The following RESF1 variants were observed in gnomAD, a reference collection of about 807,000 sequenced individuals.
RESF1 encodes gonad expressed transcript.
A neutral mutation model predicts 134.7 loss-of-function variants in RESF1; 65 were observed. The ratio of observed to expected loss-of-function variants is 0.48; its 90% CI spans 0.40 to 0.59. The LOEUF (loss-of-function observed/expected upper bound fraction) is 0.59. Among genes scored for constraint, RESF1 ranks in the 20% least tolerant of loss-of-function variants. The probability of loss-of-function intolerance (pLI) is 0.00; values close to 1 mark genes in which losing one functional copy is unlikely to be tolerated. For synonymous variants in RESF1, 762 were observed against 702.2 expected (o/e 1.09, Z -1.35); for missense variants, 2,274 against 2,002.7 (o/e 1.14, Z -2.59).
At position 31,982,457 on chromosome 12, in the gene RESF1, A is replaced by G. The variant is rs1040288776; in HGVS notation, c.1502A>G (p.Asp501Gly). The change falls in exon 4 of 6, where the codon GAT becomes GGT. Residue 501 changes from aspartate (D) to glycine (G), a missense_variant. Asp to Gly is a moderately conservative substitution (Grantham distance 94, BLOSUM62 -1). Coordinates refer to ENST00000312561, the MANE Select transcript of RESF1 (RefSeq NM_018169.4). ...AATTGCAGAAGGTTTAACCAAGTTG[A>G]TTCTGTTTTACCAAATCCTGTCTAT... ...EVNCRRFNQV[D>G]SVLPNPVYSE... 3 of 1,613,722 alleles carry G rather than the reference A, an allele frequency of 1.9e-6. No individual in the cohort carries two copies. Among genetic ancestry groups the G allele is most frequent in the Non-Finnish European group, 2.5e-6 (3 of 1,180,038 alleles).
In RESF1 at chr12:31,983,544, G is replaced by C; in HGVS notation, c.2589G>C (p.Glu863Asp). ...NVNQGKHNKL[E>D]SAIHSPMNDQ... ...ATCAAGGAAAGCATAACAAATTAGAGTCAGCTATCCATTCTCCTATGAACG... is the reference window on the plus strand; with the variant it reads ...ATCAAGGAAAGCATAACAAATTAGACTCAGCTATCCATTCTCCTATGAACG... The change falls in exon 4 of 6, where the codon GAG becomes GAC. Residue 863 changes from glutamate (E) to aspartate (D), a missense_variant. Physicochemically the swap from Glu to Asp is conservative, Grantham distance 45. Transcript: ENST00000312561. The C allele has an allele frequency of 3.7e-6, 6 of 1,614,102 alleles. No individual in the cohort carries two copies. Among genetic ancestry groups the C allele is most frequent in the Non-Finnish European group, 5.1e-6 (6 of 1,179,986 alleles).
chr12:31,962,960 G>T (rs181408556), intron 2 of RESF1, among the ~76,000 whole-genome samples: 1 of 152,190 alleles, frequency 6.6e-6, no homozygotes, highest in Non-Finnish European at 1.5e-5. Flanking sequence ...TTAGCCAGGC[G>T]TGGTGGCACA....
At position 31,983,298 on chromosome 12, in the gene RESF1, T is replaced by G. The variant is rs201519644; in HGVS notation, c.2343T>G (p.Pro781=). ...VKTLSVKGIT[P]AVLPETVYPV... ...CATTGTCTGTCAAAGGAATAACACC[T>G]GCAGTGTTACCTGAAACAGTGTATC... is the stretch of plus-strand genomic sequence containing the variant. Residue 781 remains proline (P), a synonymous_variant, in exon 4 of 6, where the codon CCT becomes CCG. Transcript: ENST00000312561. 12 of 1,613,816 alleles carry G rather than the reference T, an allele frequency of 7.4e-6. No homozygotes were observed. In the East Asian group the frequency reaches 2.2e-4, roughly 30 times the overall value.
rs1939200242 is a variant in RESF1, at chr12:31,959,498, G to A, written c.-342+7G>A. On this transcript the variant is annotated splice_region_variant and intron_variant, in intron 1 of 5. Transcript: ENST00000312561. ...GGTCCTCTTCCCTTTGTCGGTAAGT[G>A]TGAGACGAGCACCCCGAGGTCCCTC... The A allele has an allele frequency of 6.6e-6, 1 of 152,308 alleles. No homozygotes were observed. The highest frequency in any genetic ancestry group is 1.5e-5 in the Non-Finnish European group (1 of 68,106). 9.4% of individuals were successfully genotyped at this position (152,308 alleles called of 1,614,324 possible). A position where few individuals can be genotyped will look rare whatever the true frequency, so the allele number is the denominator to read the frequency against.
intron 2 of RESF1, among the ~76,000 whole-genome samples, chr12:31,962,879 C>T (rs992093957): frequency 4.0e-5 from 6 of 149,608 alleles, no homozygotes; most frequent in Non-Finnish European, 7.4e-5. Context: ...GGGCAGATCA[C>T]CTGAGGTCAG....
rs753369430 is a variant in RESF1 at position 31,984,248 on chromosome 12, A to G, written c.3293A>G (p.Lys1098Arg). The part of the protein sequence containing the change: ...QTADKTSSDS[K>R]DPADQIQITI... Reference sequence around the variant, plus strand: ...GCTGATAAAACCAGTTCTGACTCCAAAGACCCAGCAGATCAAATACAAATT... The same window carrying G: ...GCTGATAAAACCAGTTCTGACTCCAGAGACCCAGCAGATCAAATACAAATT... The change falls in exon 4 of 6, where the codon AAA (lysine) becomes AGA (arginine). Residue 1098 changes from lysine (K) to arginine (R), a missense_variant. Physicochemically the swap from Lys to Arg is conservative, Grantham distance 26. Coordinates refer to ENST00000312561, the MANE Select transcript of RESF1 (RefSeq NM_018169.4). 71 of 1,613,924 alleles carry G rather than the reference A, an allele frequency of 4.4e-5. No homozygotes were observed. Among genetic ancestry groups the G allele is most frequent in the Non-Finnish European group, 5.8e-5 (68 of 1,180,002 alleles).
At chr12:31,986,794 T>A (rs1421656744) in intron 4 of RESF1, among the ~76,000 whole-genome samples, 1 of 152,180 alleles carries the variant, frequency 6.6e-6, no homozygotes, top group Non-Finnish European at 1.5e-5. Context: ...TTTGTTGGGG[T>A]TCATAAAACA....
chr12:31,964,077 T>C (rs751835828), intron 2 of RESF1, among the ~76,000 whole-genome samples: 35 of 152,228 alleles, frequency 2.3e-4, no homozygotes, highest in Non-Finnish European at 4.7e-4. Flanking sequence ...GATAACTGTT[T>C]AACATTTTGA....
chr12:31,964,556 G>C (rs1939356288), intron 2 of RESF1, among the ~76,000 whole-genome samples: 1 of 152,136 alleles, frequency 6.6e-6, no homozygotes, highest in African/African-American at 2.4e-5. Context: ...GGTTGATTCT[G>C]GGTCTTTGCT....
chr12:31,985,274 T>G lies in RESF1; in HGVS notation c.4319T>G (p.Phe1440Cys), dbSNP rs1939939595. The change falls in exon 4 of 6, where the codon TTT (phenylalanine) becomes TGT (cysteine). Residue 1440 changes from phenylalanine to cysteine, a missense_variant. By Grantham distance (205) the Phe-to-Cys change is radical. Transcript: ENST00000312561. ...GACACGAAAGCGAGTTCATCTAAAT[T>G]TAGTAGAATTCTAACTCCTAAGGAG... The part of the protein sequence containing the change: ...SVDTKASSSK[F>C]SRILTPKEYL... 3 of 1,611,898 alleles carry G rather than the reference T, an allele frequency of 1.9e-6. No homozygotes were observed. Among genetic ancestry groups the G allele is most frequent in the East Asian group, 2.2e-5 (1 of 44,876 alleles).
At chr12:31,959,882 G>A (rs1939216441) in intron 1 of RESF1, 1 of 152,318 alleles carries the variant, frequency 6.6e-6, no homozygotes, top group South Asian at 2.1e-4. Flanking sequence ...CGAACTGCGA[G>A]GCGCGGCTGG....
rs370599713 is a variant in RESF1 at position 31,984,094 on chromosome 12, C to G, written c.3139C>G (p.Pro1047Ala). The G allele has an allele frequency of 1.9e-5, 31 of 1,613,884 alleles. No homozygotes were observed. Among genetic ancestry groups the G allele is most frequent in the Non-Finnish European group, 2.2e-5 (26 of 1,179,980 alleles). Reference sequence around the variant, plus strand: ...AAATGAAATCCACAGTGATAAGGCACCTGTCTTATACCTACATGACCAGCT... The same window carrying G: ...AAATGAAATCCACAGTGATAAGGCAGCTGTCTTATACCTACATGACCAGCT... Reference protein sequence around the residue: ...ARNEIHSDKAPVLYLHDQLSE... With the variant: ...ARNEIHSDKAAVLYLHDQLSE... Residue 1047 changes from proline to alanine, a missense_variant, in exon 4 of 6, where the codon CCT becomes GCT. Coordinates refer to ENST00000312561, the MANE Select transcript of RESF1 (RefSeq NM_018169.4).
At chr12:31,991,520 G>A (rs1592269015) in intron 5 of RESF1, among the ~76,000 whole-genome samples, 1 of 152,188 alleles carries the variant, frequency 6.6e-6, no homozygotes. Context: ...TCCCTGACTT[G>A]GCAGTGGTTT....
At chr12:31,990,089 G>A (rs1209004789) in intron 5 of RESF1, among the ~76,000 whole-genome samples, 1 of 152,176 alleles carries the variant, frequency 6.6e-6, no homozygotes, top group Non-Finnish European at 1.5e-5. Flanking sequence ...AAACAGGAGA[G>A]ACATGATTAT....
At chr12:31,977,932 A>G (rs1228768846) in intron 3 of RESF1, among the ~76,000 whole-genome samples, 2 of 151,176 alleles carry the variant, frequency 1.3e-5, no homozygotes, top group African/African-American at 2.4e-5. Context: ...CAGCCTTCCA[A>G]GTAGCTGGGA....
At chr12:31,991,510 T>G (rs1940091978) in intron 5 of RESF1, among the ~76,000 whole-genome samples, 1 of 152,230 alleles carries the variant, frequency 6.6e-6, no homozygotes, top group Non-Finnish European at 1.5e-5. Context: ...GTACAGATAG[T>G]CCCTGACTTG....
chr12:31,976,241 G>A (rs1291091354), intron 3 of RESF1, among the ~76,000 whole-genome samples: 1 of 152,108 alleles, frequency 6.6e-6, no homozygotes, highest in Non-Finnish European at 1.5e-5. Flanking sequence ...TAGGAATTAG[G>A]ATAACTGACT....
rs11613247 is a variant in RESF1, at chr12:31,984,311, C to T, written c.3356C>T (p.Pro1119Leu). 1 of 1,613,680 alleles carries T rather than the reference C, an allele frequency of 6.2e-7. No homozygotes were observed. Among genetic ancestry groups the T allele is most frequent in the Non-Finnish European group, 8.5e-7 (1 of 1,179,900 alleles). ...LSSEQMKEIF[P>L]EQDDQPYVVD... ...TCAGAGCAAATGAAAGAAATATTTC[C>T]TGAACAGGATGATCAACCCTATGTA... The change falls in exon 4 of 6, where the codon CCT becomes CTT. Residue 1119 changes from proline to leucine, a missense_variant. Pro to Leu is a moderately conservative substitution (Grantham distance 98). Transcript: ENST00000312561.
rs969693174 is a variant in RESF1 at position 31,983,494 on chromosome 12, A to C, written c.2539A>C (p.Asn847His). The change falls in exon 4 of 6, where the codon AAT (asparagine) becomes CAT (histidine). Residue 847 changes from asparagine to histidine, a missense_variant. Coordinates refer to ENST00000312561, the MANE Select transcript of RESF1 (RefSeq NM_018169.4). ...KEKQNESTNGNSEVTPNVNQG... is the reference protein window; with the variant it reads ...KEKQNESTNGHSEVTPNVNQG... ...AAAGCAGAATGAGTCAACTAATGGTAATTCAGAAGTCACACCTAATGTCAA... is the reference window on the plus strand; with the variant it reads ...AAAGCAGAATGAGTCAACTAATGGTCATTCAGAAGTCACACCTAATGTCAA... 1 of 1,613,984 alleles carries C rather than the reference A, an allele frequency of 6.2e-7. No homozygotes were observed. The highest frequency in any genetic ancestry group is 1.3e-5 in the African/African-American group (1 of 74,954).
Sources: gnomAD v4.1 joint callset for allele counts (sites outside exome capture counted in the v4.1 genomes callset) on GRCh38, gnomAD v4.1.1 for gene constraint, MANE v1.5 for transcripts, NCBI Gene and HGNC (gene_info 2026-07-23, HGNC 2026-07-21) for gene names.